HPCAL1: variants seen among roughly 807,000 people sequenced by gnomAD.
HPCAL1 encodes hippocalcin like 1.
Under a neutral mutation model 17.1 loss-of-function variants are expected in HPCAL1, and 8 were observed. The ratio of observed to expected loss-of-function variants is 0.47; its 90% CI spans 0.27 to 0.84. The LOEUF (loss-of-function observed/expected upper bound fraction) is 0.84, where lower values mean the gene tolerates loss of function less well. Ranked by LOEUF, HPCAL1 falls within the 40% of genes least tolerant of loss-of-function variation. HPCAL1 has a pLI of 0.13. For missense variants in HPCAL1, 165 were observed against 271.1 expected (o/e 0.61, Z 2.75); for synonymous variants, 112 against 111.4 (o/e 1.01, Z -0.03).
intron 1 of HPCAL1, among the ~76,000 whole-genome samples, chr2:10,373,085 A>G (rs887976): frequency 0.56 from 85,522 of 151,760 alleles, 25,506 homozygotes; most frequent in East Asian, 0.8. Context: ...TGTGCAGGGC[A>G]GGTGAGAGCG....
chr2:10,405,544 C>T (rs1428926095), intron 2 of HPCAL1, among the ~76,000 whole-genome samples: 1 of 152,260 alleles, frequency 6.6e-6, no homozygotes, highest in Admixed American at 6.5e-5. Flanking sequence ...GGCTGTTGCT[C>T]ACCTCTTGGC....
At chr2:10,356,130 C>A (rs1260430572) in intron 1 of HPCAL1, among the ~76,000 whole-genome samples, 1 of 152,178 alleles carries the variant, frequency 6.6e-6, no homozygotes, top group Non-Finnish European at 1.5e-5. Context: ...CCAGCAACAA[C>A]CTTAAGAGGC....
rs564969971 is a variant in HPCAL1 at position 10,317,608 on chromosome 2, G to A, written c.-111+14431G>A. Among the ~76,000 whole-genome samples the A allele has an allele frequency of 5.9e-5, 9 of 152,200 alleles. No homozygotes were observed. The South Asian group carries it at 1.9e-3, about 32-fold the overall frequency. On this transcript the variant is annotated intron_variant, in intron 1 of 4. Transcript: ENST00000307845. ...AATTTTTGTATTTTTAGCAGAGACGGGGTTTCACCAGGTTGGCTAGGCTAG... is the reference window on the plus strand; with the variant it reads ...AATTTTTGTATTTTTAGCAGAGACGAGGTTTCACCAGGTTGGCTAGGCTAG...
At chr2:10,369,875 C>T (rs184054566) in intron 1 of HPCAL1, among the ~76,000 whole-genome samples, 12 of 152,376 alleles carry the variant, frequency 7.9e-5, no homozygotes, top group African/African-American at 2.9e-4. Flanking sequence ...CCTCATTAGG[C>T]TGCCCCCAGT....
intron 1 of HPCAL1, among the ~76,000 whole-genome samples, chr2:10,321,323 C>T (rs960880582): frequency 6.6e-6 from 1 of 152,114 alleles, no homozygotes; most frequent in African/African-American, 2.4e-5. Flanking sequence ...ATGATCCAGT[C>T]GTCTCCCACC....
At chr2:10,355,449 T>G (rs1359565798) in intron 1 of HPCAL1, among the ~76,000 whole-genome samples, 1 of 22,990 alleles carries the variant, frequency 4.3e-5, no homozygotes, top group African/African-American at 2.5e-4. Context: ...AGACTCCGTC[T>G]CAAAAAAAAA....
intron 1 of HPCAL1, among the ~76,000 whole-genome samples, chr2:10,390,874 C>T: frequency 6.6e-6 from 1 of 152,322 alleles, no homozygotes; most frequent in Admixed American, 6.5e-5. Context: ...TGGTGGCAGC[C>T]TGGGCTGTTT....
intron 1 of HPCAL1, chr2:10,369,012 G>A (rs1572734973): frequency 6.6e-6 from 1 of 152,200 alleles, no homozygotes; most frequent in African/African-American, 2.4e-5. Context: ...TCCCAAGCTG[G>A]CGGCAGCCGA....
rs538894109 is a variant in HPCAL1, at chr2:10,339,163, T to A, written c.-111+35986T>A. Among the ~76,000 whole-genome samples the A allele has an allele frequency of 5.1e-4, 77 of 151,730 alleles. 1 individual carries two copies. Among genetic ancestry groups the A allele is most frequent in the African/African-American group, 1.6e-3 (68 of 41,262 alleles). Reference sequence around the variant, plus strand: ...GTTTTATGTATATTTGAAAAAAAAATTTTTTTTGAGATAGGGTCTCGCTGT... The same window carrying A: ...GTTTTATGTATATTTGAAAAAAAAAATTTTTTTGAGATAGGGTCTCGCTGT... On this transcript the variant is annotated intron_variant, in intron 1 of 4. Transcript: ENST00000307845.
At chr2:10,408,103 A>G (rs1670087463) in intron 2 of HPCAL1, among the ~76,000 whole-genome samples, 1 of 152,334 alleles carries the variant, frequency 6.6e-6, no homozygotes, top group African/African-American at 2.4e-5. Flanking sequence ...TTCCTGTCGC[A>G]GTAGCAGCTT....
At chr2:10,405,852 T>C (rs535017070) in intron 2 of HPCAL1, among the ~76,000 whole-genome samples, 4 of 152,364 alleles carry the variant, frequency 2.6e-5, no homozygotes, top group Admixed American at 2.0e-4. Context: ...TCCAGCCTGC[T>C]GTGCCCTCTT....
intron 1 of HPCAL1, among the ~76,000 whole-genome samples, chr2:10,349,671 C>T (rs533219377): frequency 8.5e-6 from 1 of 118,130 alleles, no homozygotes. Flanking sequence ...CCACTGCACT[C>T]CAGCCTGGGT....
At chr2:10,421,998 G>T (rs928171487) in intron 3 of HPCAL1, among the ~76,000 whole-genome samples, 1 of 152,176 alleles carries the variant, frequency 6.6e-6, no homozygotes, top group Non-Finnish European at 1.5e-5. Flanking sequence ...GTCCTGTCCT[G>T]TGTGTTAACC....
intron 2 of HPCAL1, among the ~76,000 whole-genome samples, chr2:10,418,947 C>A (rs1670856447): frequency 6.6e-6 from 1 of 152,196 alleles, no homozygotes; most frequent in Non-Finnish European, 1.5e-5. Flanking sequence ...CAGTGGCTCA[C>A]ACCTGTAATC....
intron 1 of HPCAL1, among the ~76,000 whole-genome samples, chr2:10,345,178 T>C (rs1048286754): frequency 6.6e-6 from 1 of 152,188 alleles, no homozygotes; most frequent in African/African-American, 2.4e-5. Flanking sequence ...AATCTCTCTA[T>C]CTCTGTGCCT....
At chr2:10,341,447 T>C (rs951064848) in intron 1 of HPCAL1, among the ~76,000 whole-genome samples, 7 of 151,808 alleles carry the variant, frequency 4.6e-5, no homozygotes, top group Non-Finnish European at 8.8e-5. Context: ...CAAGACCTTA[T>C]CTTAAAAGCA....
chr2:10,399,475 T>C (rs1417458023), intron 2 of HPCAL1, among the ~76,000 whole-genome samples: 49 of 29,284 alleles, frequency 1.7e-3, no homozygotes, highest in Admixed American at 3.5e-3. Flanking sequence ...ATCACCATCA[T>C]CACCACCATC....
Position 10,330,959 on chromosome 2 carries a change from T to G in HPCAL1, c.-111+27782T>G, listed in dbSNP as rs1353180818. 6.6e-6 allele frequency among the ~76,000 whole-genome samples: 1 copy of G among 152,156 alleles called. No homozygotes were observed. The highest frequency in any genetic ancestry group is 1.5e-5 in the Non-Finnish European group (1 of 68,010). On this transcript the variant is annotated intron_variant, in intron 1 of 4. Transcript: ENST00000307845. The surrounding 1 kb of genome is among the most constrained non-coding windows in gnomAD (Gnocchi z 4.2). Reference sequence around the variant, plus strand: ...AGCCCACCCCTGCATTCGGAGAGCCTTAGCGGGAAGCCTGTTGCTTGTGCC... The same window carrying G: ...AGCCCACCCCTGCATTCGGAGAGCCGTAGCGGGAAGCCTGTTGCTTGTGCC...
intron 1 of HPCAL1, among the ~76,000 whole-genome samples, chr2:10,364,744 C>G (rs1348075414): frequency 6.6e-6 from 1 of 152,140 alleles, no homozygotes; most frequent in Non-Finnish European, 1.5e-5. Context: ...TGCCCCCACA[C>G]CAGACTAATT....
Sources: gnomAD v4.1 joint callset for allele counts (sites outside exome capture counted in the v4.1 genomes callset) on GRCh38, gnomAD v4.1.1 for gene constraint, Gnocchi (gnomAD v3.1) non-coding constraint, MANE v1.5 for transcripts, NCBI Gene and HGNC (gene_info 2026-07-23, HGNC 2026-07-21) for gene names.